The following DPYD variants were observed in gnomAD, a reference collection of about 807,000 sequenced individuals.
DPYD encodes the protein dihydropyrimidine dehydrogenase.
In DPYD, 109 loss-of-function variants were observed where a neutral mutation model predicts 116.2. The ratio of observed to expected loss-of-function variants is 0.94; its 90% CI spans 0.80 to 1.10. The LOEUF (loss-of-function observed/expected upper bound fraction) is 1.10, where lower values mean the gene tolerates loss of function less well. DPYD is among the 50% of genes least tolerant of loss of function. DPYD has a pLI of 0.00. For synonymous variants in DPYD, 440 were observed against 432.0 expected, an observed-to-expected ratio of 1.02 and a Z score of -0.23; for missense variants, 1,302 against 1,254.5, an observed-to-expected ratio of 1.04 and a Z score of -0.57.
chr1:97,484,528 A>G (rs1678508522), intron 13 of DPYD, among the ~76,000 whole-genome samples: 1 of 152,078 alleles, frequency 6.6e-6, no homozygotes, highest in African/African-American at 2.4e-5. Flanking sequence ...TGTGGCCACC[A>G]TGTTCTTCAT....
rs566811010 is a variant in DPYD, at chr1:97,185,965, C to A, written c.2622+7104G>T. On this transcript the variant is annotated intron_variant, in intron 20 of 22. Transcript: ENST00000370192. ...CATTTAAGACCTCTGTATTTTTCCT[C>A]CAAGTAATTTATATTTCAATAAGGG... Among the ~76,000 whole-genome samples the A allele has an allele frequency of 3.9e-5, 6 of 152,242 alleles. No homozygotes were observed. The East Asian group carries it at 1.2e-3, about 29-fold the overall frequency.
intron 8 of DPYD, among the ~76,000 whole-genome samples, chr1:97,624,499 A>C: frequency 6.6e-6 from 1 of 152,026 alleles, no homozygotes; most frequent in East Asian, 1.9e-4. Context: ...GGAGAAAAGA[A>C]AACACTCTTG....
At chr1:97,735,943 C>A (rs945990311) in intron 4 of DPYD, among the ~76,000 whole-genome samples, 7 of 151,746 alleles carry the variant, frequency 4.6e-5, no homozygotes, top group African/African-American at 1.7e-4. Context: ...AATAAAAAGA[C>A]AAATGTATGA....
intron 12 of DPYD, among the ~76,000 whole-genome samples, chr1:97,544,872 C>G (rs1312248960): frequency 6.6e-6 from 1 of 152,130 alleles, no homozygotes; most frequent in Non-Finnish European, 1.5e-5. Context: ...TTTTTAGCTT[C>G]TCTGCCCACA....
At chr1:97,250,746 A>G (rs1023567973) in intron 18 of DPYD, among the ~76,000 whole-genome samples, 6 of 152,176 alleles carry the variant, frequency 3.9e-5, no homozygotes, top group Non-Finnish European at 8.8e-5. Context: ...AAAAGAGTCT[A>G]TGGTGGTATA....
At chr1:97,608,113 T>A (rs1055283703) in intron 8 of DPYD, among the ~76,000 whole-genome samples, 4 of 151,868 alleles carry the variant, frequency 2.6e-5, no homozygotes, top group African/African-American at 9.7e-5. Context: ...ATGAAAAGAA[T>A]GAATTGGCCA....
intron 14 of DPYD, among the ~76,000 whole-genome samples, chr1:97,434,235 T>C (rs766933707): frequency 6.6e-5 from 10 of 152,118 alleles, no homozygotes; most frequent in Middle Eastern, 3.2e-3. Flanking sequence ...CTGATCAGTA[T>C]ATAGATCAGA....
intron 16 of DPYD, among the ~76,000 whole-genome samples, chr1:97,355,576 A>T (rs1295198904): frequency 6.6e-6 from 1 of 151,920 alleles, no homozygotes; most frequent in Non-Finnish European, 1.5e-5. Flanking sequence ...TCTTCTCCCT[A>T]TTCTCCCCAC....
intron 6 of DPYD, among the ~76,000 whole-genome samples, chr1:97,696,558 G>A (rs1661318178): frequency 6.6e-6 from 1 of 151,894 alleles, no homozygotes; most frequent in South Asian, 2.1e-4. Flanking sequence ...GTTGTGCTTA[G>A]GAAAACAAAC....
At chr1:97,124,175 T>C (rs1652659746) in intron 20 of DPYD, among the ~76,000 whole-genome samples, 1 of 151,900 alleles carries the variant, frequency 6.6e-6, no homozygotes, top group South Asian at 2.1e-4. Context: ...AATTTCCTAA[T>C]GGACTTCTTC....
intron 18 of DPYD, among the ~76,000 whole-genome samples, chr1:97,258,090 C>T (rs191365551): frequency 2.6e-5 from 4 of 152,102 alleles, no homozygotes; most frequent in East Asian, 1.9e-4. Flanking sequence ...TTAGGTGTGT[C>T]GTAGGGCCTA....
At chr1:97,220,984 G>T (rs1660735566) in intron 19 of DPYD, among the ~76,000 whole-genome samples, 1 of 152,126 alleles carries the variant, frequency 6.6e-6, no homozygotes, top group African/African-American at 2.4e-5. Context: ...CCCAAGTAGA[G>T]CCCAGGAGCC....
intron 2 of DPYD, among the ~76,000 whole-genome samples, chr1:97,875,252 T>C (rs1198109004): frequency 6.6e-6 from 1 of 151,946 alleles, no homozygotes; most frequent in African/African-American, 2.4e-5. Flanking sequence ...GGAATAGGCA[T>C]GAATAATTCG....
chr1:97,781,421 T>C (rs1263912877), intron 3 of DPYD, among the ~76,000 whole-genome samples: 1 of 152,220 alleles, frequency 6.6e-6, no homozygotes, highest in Admixed American at 6.5e-5. Flanking sequence ...TTCTTGTATG[T>C]CTACATATAT....
intron 3 of DPYD, among the ~76,000 whole-genome samples, chr1:97,806,487 T>C (rs1221509826): frequency 1.3e-5 from 2 of 151,962 alleles, no homozygotes; most frequent in African/African-American, 4.8e-5. Context: ...ATATTTTGAC[T>C]ATTTTTAAAA....
chr1:97,312,570 C>G (rs1193203198), intron 16 of DPYD, among the ~76,000 whole-genome samples: 1 of 151,718 alleles, frequency 6.6e-6, no homozygotes, highest in African/African-American at 2.4e-5. Context: ...TACTATGCAG[C>G]CATTAAAAAT....
At chr1:97,396,144 G>A (rs1672994074) in intron 14 of DPYD, among the ~76,000 whole-genome samples, 1 of 151,912 alleles carries the variant, frequency 6.6e-6, no homozygotes, top group Non-Finnish European at 1.5e-5. Flanking sequence ...ACTTGCATAT[G>A]CTGAGTACTA....
chr1:97,883,592 G>A (rs545137120), intron 1 of DPYD, among the ~76,000 whole-genome samples: 8 of 151,940 alleles, frequency 5.3e-5, no homozygotes, highest in African/African-American at 1.7e-4. Context: ...GACTACAGGC[G>A]TACGCTACCA....
intron 3 of DPYD, among the ~76,000 whole-genome samples, chr1:97,790,677 C>T (rs1464609984): frequency 6.6e-6 from 1 of 152,178 alleles, no homozygotes; most frequent in Non-Finnish European, 1.5e-5. Context: ...TTATTTCTTA[C>T]TCTCTTCACA....
Sources: allele counts gnomAD v4.1 joint callset (sites outside exome capture counted in the v4.1 genomes callset), GRCh38; gene constraint gnomAD v4.1.1; transcripts MANE v1.5; gene names NCBI Gene and HGNC (gene_info 2026-07-23, HGNC 2026-07-21).